SIMC1: variants seen among roughly 807,000 people sequenced by gnomAD.
SIMC1 encodes SUMO interacting motifs containing 1, also known as SUMO-interacting motif-containing protein 1.
A neutral mutation model predicts 82.3 loss-of-function variants in SIMC1; 55 were observed. The observed-to-expected ratio is 0.67, with a 90% CI of 0.54 to 0.84. The LOEUF is 0.84. Ranked by LOEUF, SIMC1 falls within the 40% of genes least tolerant of loss-of-function variation. The pLI is 0.00. For synonymous variants in SIMC1, 353 were observed against 426.3 expected (o/e 0.83, Z 2.12); for missense variants, 915 against 1,107.2 (o/e 0.83, Z 2.46).
At chr5:176,339,371 A>G (rs909023894) in intron 9 of SIMC1, among the ~76,000 whole-genome samples, 3 of 152,150 alleles carry the variant, frequency 2.0e-5, no homozygotes, top group Non-Finnish European at 4.4e-5. Context: ...CTCAAAAAAA[A>G]TAAAAGAGTA....
intron 4 of SIMC1, among the ~76,000 whole-genome samples, chr5:176,298,951 C>A (rs1763931291): frequency 6.6e-6 from 1 of 152,096 alleles, no homozygotes; most frequent in Non-Finnish European, 1.5e-5. Flanking sequence ...ATTAATATGG[C>A]CATAGTAAGT....
intron 1 of SIMC1, among the ~76,000 whole-genome samples, chr5:176,256,005 A>T: frequency 6.6e-6 from 1 of 152,208 alleles, no homozygotes. Flanking sequence ...GAAACAAGAT[A>T]CAGCAAAAGT....
chr5:176,343,617 T>C (rs1461970344), intron 9 of SIMC1, among the ~76,000 whole-genome samples: 1 of 152,254 alleles, frequency 6.6e-6, no homozygotes, highest in African/African-American at 2.4e-5. Flanking sequence ...GGTTTACCTA[T>C]TGATCCATGT....
chr5:176,270,998 C>A (rs1486971999), intron 1 of SIMC1, among the ~76,000 whole-genome samples: 1 of 152,136 alleles, frequency 6.6e-6, no homozygotes, highest in Admixed American at 6.6e-5. Context: ...CCAGCTGGGG[C>A]AGCCAAGGGA....
intron 4 of SIMC1, chr5:176,308,374 C>T: frequency 1.3e-6 from 2 of 1,575,260 alleles, no homozygotes; most frequent in Admixed American, 1.7e-5. Context: ...TCAACAGAGG[C>T]AGAGAAGTTG....
chr5:176,328,057 GTTTAATGTT>G (rs1438762783), intron 7 of SIMC1, among the ~76,000 whole-genome samples: 5 of 152,056 alleles, frequency 3.3e-5, no homozygotes, highest in Admixed American at 6.6e-5. Flanking sequence ...TTCCTGTAAT[GTTTAATGTT>G]TTCCATGTTT....
At chr5:176,281,120 T>C (rs572518883) in intron 1 of SIMC1, among the ~76,000 whole-genome samples, 2 of 152,314 alleles carry the variant, frequency 1.3e-5, no homozygotes, top group East Asian at 3.9e-4. Context: ...CTTGGAAGCT[T>C]TGTTCATTTC....
chr5:176,319,925 CAA>C (rs1257063049), intron 5 of SIMC1, among the ~76,000 whole-genome samples: 1 of 152,052 alleles, frequency 6.6e-6, no homozygotes, highest in Non-Finnish European at 1.5e-5. Context: ...GTGCGAGACT[CAA>C]AAGATAATGG....
chr5:176,263,905 C>T (rs182513752), intron 1 of SIMC1, among the ~76,000 whole-genome samples: 1 of 152,134 alleles, frequency 6.6e-6, no homozygotes, highest in African/African-American at 2.4e-5. Flanking sequence ...TTCTAAGATA[C>T]AATGATTGTG....
rs142755109 is a variant in SIMC1 at position 176,335,120 on chromosome 5, A to C, written c.2172-1600A>C. Among the ~76,000 whole-genome samples the C allele has an allele frequency of 8.7e-3, 1,318 of 151,830 alleles. 17 individuals are homozygous for C. The highest frequency in any genetic ancestry group is 0.028 in the African/African-American group (1,146 of 41,402). On this transcript the variant is annotated intron_variant, in intron 7 of 9. Transcript: ENST00000429602. The stretch of plus-strand genomic sequence containing the variant: ...TCAAAAAAAAAAAAATAATAATAAT[A>C]ATCATCACAGTCCTTTGTAGTAAGT...
intron 1 of SIMC1, among the ~76,000 whole-genome samples, chr5:176,281,889 A>C (rs566246306): frequency 3.3e-5 from 5 of 152,328 alleles, no homozygotes; most frequent in South Asian, 4.1e-4. Context: ...GTCAGGGACC[A>C]ACTTGAGGAG....
chr5:176,331,238 C>T (rs567644083), intron 7 of SIMC1, among the ~76,000 whole-genome samples: 22 of 152,048 alleles, frequency 1.4e-4, no homozygotes, highest in Admixed American at 2.6e-4. Context: ...GGCATGGTGG[C>T]AGGCCCCTGT....
intron 2 of SIMC1, among the ~76,000 whole-genome samples, chr5:176,292,032 G>A (rs1763598297): frequency 6.6e-6 from 1 of 152,220 alleles, no homozygotes; most frequent in Non-Finnish European, 1.5e-5. Flanking sequence ...CTCCAGCCTT[G>A]GCCACAGAGC....
intron 4 of SIMC1, chr5:176,313,347 CAA>C: frequency 6.7e-7 from 1 of 1,491,294 alleles, no homozygotes; most frequent in Non-Finnish European, 8.9e-7. Flanking sequence ...CCTCTTAAAT[CAA>C]ATGATCTACA....
At chr5:176,244,888 A>G (rs1761386845) in intron 1 of SIMC1, among the ~76,000 whole-genome samples, 1 of 151,628 alleles carries the variant, frequency 6.6e-6, no homozygotes, top group Non-Finnish European at 1.5e-5. Context: ...TGCCCAGCTA[A>G]TTTTATATTT....
chr5:176,289,070 A>G (rs907833791), intron 1 of SIMC1, among the ~76,000 whole-genome samples: 2 of 152,188 alleles, frequency 1.3e-5, no homozygotes, highest in African/African-American at 2.4e-5. Context: ...GTACATTCCT[A>G]GGCCCTCACA....
At chr5:176,292,148 C>G (rs1411942091) in intron 2 of SIMC1, among the ~76,000 whole-genome samples, 1 of 152,206 alleles carries the variant, frequency 6.6e-6, no homozygotes, top group Non-Finnish European at 1.5e-5. Context: ...TAATAATACT[C>G]TATCACTTAT....
intron 1 of SIMC1, among the ~76,000 whole-genome samples, chr5:176,287,242 A>G (rs555428900): frequency 4.6e-5 from 7 of 152,368 alleles, no homozygotes; most frequent in South Asian, 2.1e-4. Context: ...ATATCCATCA[A>G]TGATACACTG....
rs943560100 is a variant in SIMC1, at chr5:176,265,097, A to G, written c.130-24557A>G. 9.8e-5 allele frequency among the ~76,000 whole-genome samples: 15 copies of G among 152,312 alleles called. 1 individual carries two copies. Among genetic ancestry groups the G allele is most frequent in the Admixed American group, 3.9e-4 (6 of 15,294 alleles). On this transcript the variant is annotated intron_variant, in intron 1 of 9. Coordinates refer to ENST00000429602, the MANE Select transcript of SIMC1 (RefSeq NM_001308195.2). ...CTATTTCCAGATGACATGATTGTCTATGCAGAAGATCTCAAGGAATATACC... is the reference window on the plus strand; with the variant it reads ...CTATTTCCAGATGACATGATTGTCTGTGCAGAAGATCTCAAGGAATATACC...
Sources: allele counts gnomAD v4.1 joint callset (sites outside exome capture counted in the v4.1 genomes callset), GRCh38; gene constraint gnomAD v4.1.1; transcripts MANE v1.5; gene names NCBI Gene and HGNC (gene_info 2026-07-23, HGNC 2026-07-21).